The following GLB1 variants were observed in gnomAD, a reference collection of about 807,000 sequenced individuals.
GLB1 encodes the protein beta-galactosidase.
A neutral mutation model predicts 74.0 loss-of-function variants in GLB1; 56 were observed. The ratio of observed to expected loss-of-function variants is 0.76; its 90% CI spans 0.61 to 0.94. GLB1 has a LOEUF of 0.94. GLB1 is among the 40% of genes least tolerant of loss of function. GLB1 has a pLI of 0.00. For synonymous variants in GLB1, 323 were observed against 323.6 expected, an observed-to-expected ratio of 1.00 and a Z score of 0.02; for missense variants, 787 against 845.5, an observed-to-expected ratio of 0.93 and a Z score of 0.86.
intron 7 of GLB1, among the ~76,000 whole-genome samples, chr3:33,052,408 C>T (rs539158675): frequency 3.3e-5 from 5 of 152,104 alleles, no homozygotes; most frequent in African/African-American, 7.2e-5. Context: ...CCGAGGTGGG[C>T]GGATCACAAG....
chr3:33,024,641 G>A (rs905155881), intron 10 of GLB1, among the ~76,000 whole-genome samples: 1 of 152,200 alleles, frequency 6.6e-6, no homozygotes, highest in Admixed American at 6.5e-5. Context: ...AGGAAAAAAG[G>A]AAACAGGTAC....
At chr3:32,982,072 G>A in the GLB1 span, among the ~76,000 whole-genome samples, 722 of 152,244 alleles carry the variant, frequency 4.7e-3, 4 homozygotes, top group African/African-American at 0.017. Context: ...TCAGCACTTT[G>A]GGAGGCTGAG....
At chr3:33,082,021 C>T (rs1700340359) in intron 1 of GLB1, among the ~76,000 whole-genome samples, 1 of 152,190 alleles carries the variant, frequency 6.6e-6, no homozygotes, top group South Asian at 2.1e-4. Context: ...GCATTACCAC[C>T]CCAAGTCCAC....
intron 1 of GLB1, among the ~76,000 whole-genome samples, chr3:33,084,936 GAAGT>G (rs1167910512): frequency 1.3e-5 from 2 of 152,156 alleles, no homozygotes; most frequent in South Asian, 4.1e-4. Context: ...TAGGATAAAA[GAAGT>G]AAGTAACTAC....
At chr3:33,071,705 A>C (rs572215886) in intron 2 of GLB1, among the ~76,000 whole-genome samples, 4 of 151,808 alleles carry the variant, frequency 2.6e-5, no homozygotes, top group Non-Finnish European at 2.9e-5. Flanking sequence ...TCTGTTGCCC[A>C]CCCCTCCTTC....
At chr3:33,074,882 C>T (rs1350598220) in intron 1 of GLB1, among the ~76,000 whole-genome samples, 2 of 152,118 alleles carry the variant, frequency 1.3e-5, no homozygotes, top group Non-Finnish European at 2.9e-5. Flanking sequence ...TCACACATGC[C>T]TGAAATCCAA....
intron 10 of GLB1, chr3:33,034,247 A>G: frequency 4.4e-6 from 3 of 675,700 alleles, no homozygotes. Flanking sequence ...AGATGGGGCC[A>G]TCTTCCTGCT....
the GLB1 span, among the ~76,000 whole-genome samples, chr3:32,980,871 A>G: frequency 6.6e-6 from 1 of 151,458 alleles, no homozygotes; most frequent in South Asian, 2.1e-4. Flanking sequence ...CAAGTAGATC[A>G]CTTGAGGTCA....
At chr3:33,023,417 A>G (rs1349984798) in intron 11 of GLB1, among the ~76,000 whole-genome samples, 6 of 152,240 alleles carry the variant, frequency 3.9e-5, no homozygotes, top group East Asian at 1.9e-4. Flanking sequence ...GGAAAATGTT[A>G]TAAGAACTCA....
intron 1 of GLB1, among the ~76,000 whole-genome samples, chr3:33,090,015 A>G (rs1236352684): frequency 6.6e-6 from 1 of 152,228 alleles, no homozygotes; most frequent in African/African-American, 2.4e-5. Flanking sequence ...CTGCATTTGA[A>G]TTCTGTACTC....
intron 9 of GLB1, among the ~76,000 whole-genome samples, chr3:33,051,058 C>T (rs1174501934): frequency 6.6e-6 from 1 of 151,720 alleles, no homozygotes; most frequent in Non-Finnish European, 1.5e-5. Flanking sequence ...GAAACCCCGT[C>T]TCTACTAAAA....
rs541825120 is a variant in GLB1 at position 33,020,019 on chromosome 3, C to T, written c.1234-1458G>A. Among the ~76,000 whole-genome samples, 26 of 152,280 alleles carry T rather than the reference C, an allele frequency of 1.7e-4. No homozygotes were observed. The East Asian group carries it at 3.7e-3, about 21-fold the overall frequency. On this transcript the variant is annotated intron_variant, in intron 12 of 15. Coordinates refer to ENST00000307363, the MANE Select transcript of GLB1 (RefSeq NM_000404.4). ...GGTCTGAGAAAGAACAATGGCTGCA[C>T]GTGTTCATATAGTAACCTGGAACTC...
chr3:33,021,491 G>A, intron 12 of GLB1, 75 bp downstream of exon 12: 3 of 1,479,464 alleles, frequency 2.0e-6, no homozygotes, highest in Middle Eastern at 2.0e-4. Context: ...AATTCAGAAT[G>A]GGCACTGCAA....
chr3:32,976,009 G>A, the GLB1 span, among the ~76,000 whole-genome samples: 1 of 152,154 alleles, frequency 6.6e-6, no homozygotes, highest in Non-Finnish European at 1.5e-5. Flanking sequence ...GAAGGCAGGG[G>A]CTTAATCTCA....
chr3:32,983,478 T>C, the GLB1 span, among the ~76,000 whole-genome samples: 1 of 152,178 alleles, frequency 6.6e-6, no homozygotes, highest in African/African-American at 2.4e-5. Context: ...GATGCTTCCT[T>C]GTAGTTTTCT....
intron 10 of GLB1, among the ~76,000 whole-genome samples, chr3:33,027,046 G>A (rs935683871): frequency 1.3e-4 from 20 of 152,238 alleles, no homozygotes; most frequent in Admixed American, 1.0e-3. Flanking sequence ...CCACGTTGTG[G>A]GGGAAAAGGA....
intron 10 of GLB1, among the ~76,000 whole-genome samples, chr3:33,041,867 A>G (rs1210172673): frequency 6.6e-6 from 1 of 152,050 alleles, no homozygotes; most frequent in East Asian, 1.9e-4. Context: ...CAAGCTGTGC[A>G]TTCATATATC....
At chr3:33,053,584 G>A (rs1559402357) in intron 6 of GLB1, 35 bp from the exon 7 acceptor site, 4 of 1,613,820 alleles carry the variant, frequency 2.5e-6, no homozygotes, top group Non-Finnish European at 3.4e-6. Context: ...TAGGTCAGTC[G>A]TGGAAATGAC....
At chr3:33,086,598 C>T (rs1575491729) in intron 1 of GLB1, among the ~76,000 whole-genome samples, 1 of 152,310 alleles carries the variant, frequency 6.6e-6, no homozygotes, top group East Asian at 1.9e-4. Context: ...GCAATGAATT[C>T]TTCCTACCCA....
Sources: allele counts gnomAD v4.1 joint callset (sites outside exome capture counted in the v4.1 genomes callset), GRCh38; gene constraint gnomAD v4.1.1; transcripts MANE v1.5; gene names NCBI Gene and HGNC (gene_info 2026-07-23, HGNC 2026-07-21).